PALM2AKAP2: variants seen among roughly 807,000 people sequenced by gnomAD.
PALM2AKAP2 encodes PALM2 and AKAP2 fusion.
In PALM2AKAP2, 37 loss-of-function variants were observed where a neutral mutation model predicts 71.5. That is an observed-to-expected ratio of 0.52 (90% CI 0.40 to 0.68). The LOEUF (loss-of-function observed/expected upper bound fraction) is 0.68. Among genes scored for constraint, PALM2AKAP2 ranks in the 30% least tolerant of loss-of-function variants. The pLI is 0.00. For synonymous variants in PALM2AKAP2, 468 were observed against 478.8 expected (o/e 0.98, Z 0.29); for missense variants, 1,224 against 1,191.8 (o/e 1.03, Z -0.40).
Position 109,974,453 on chromosome 9 carries a change from A to G in PALM2AKAP2, c.497-41501A>G, listed in dbSNP as rs565263166. Among the ~76,000 whole-genome samples, 3 of 148,472 alleles carry G rather than the reference A, an allele frequency of 2.0e-5. No individual in the cohort carries two copies. In the East Asian group the frequency reaches 5.8e-4, roughly 29 times the overall value. On this transcript the variant is annotated intron_variant, in intron 6 of 9. Transcript: ENST00000302798. ...CCTACACTCAGAGCCATGCATGCTG[A>G]AAAAAAAAACCCAAAGACCCAGAGA...
chr9:109,909,162 G>GCACACA (rs35019823), intron 3 of PALM2AKAP2, among the ~76,000 whole-genome samples: 6 of 142,928 alleles, frequency 4.2e-5, no homozygotes, highest in Admixed American at 7.0e-5. Flanking sequence ...ACGCGCGCAC[G>GCACACA]CACACACACA....
chr9:109,653,442 T>A (rs1049777532), intron 1 of PALM2AKAP2, among the ~76,000 whole-genome samples: 36 of 152,210 alleles, frequency 2.4e-4, no homozygotes, highest in Admixed American at 2.3e-3. Context: ...CAGAGAAACG[T>A]TAAATAAGTT....
At chr9:109,750,648 T>C (rs1337095257) in intron 1 of PALM2AKAP2, among the ~76,000 whole-genome samples, 1 of 151,612 alleles carries the variant, frequency 6.6e-6, no homozygotes, top group Non-Finnish European at 1.5e-5. Flanking sequence ...CTGTATGAAA[T>C]TTCTGGGCTA....
chr9:109,775,151 T>A (rs1829330126), intron 1 of PALM2AKAP2, among the ~76,000 whole-genome samples: 1 of 152,180 alleles, frequency 6.6e-6, no homozygotes, highest in African/African-American at 2.4e-5. Flanking sequence ...CTCTAATTGA[T>A]TCCCGTACAC....
At chr9:109,800,858 A>G (rs1442937909) in intron 1 of PALM2AKAP2, among the ~76,000 whole-genome samples, 1 of 152,228 alleles carries the variant, frequency 6.6e-6, no homozygotes, top group Non-Finnish European at 1.5e-5. Flanking sequence ...GCTTTAATAG[A>G]GGATCCTAAC....
At chr9:109,911,637 G>A (rs1272912077) in intron 3 of PALM2AKAP2, among the ~76,000 whole-genome samples, 3 of 152,118 alleles carry the variant, frequency 2.0e-5, no homozygotes, top group African/African-American at 4.8e-5. Context: ...GGGGAAAGTA[G>A]AAAAACCAAG....
At chr9:109,663,946 CTTCT>C (rs2118465355) in intron 1 of PALM2AKAP2, among the ~76,000 whole-genome samples, 1 of 152,208 alleles carries the variant, frequency 6.6e-6, no homozygotes, top group East Asian at 1.9e-4. Flanking sequence ...ATGTAATGGC[CTTCT>C]TTGTCTCTTT....
intron 6 of PALM2AKAP2, among the ~76,000 whole-genome samples, chr9:109,958,229 C>T (rs1831784829): frequency 6.6e-6 from 1 of 152,020 alleles, no homozygotes; most frequent in Non-Finnish European, 1.5e-5. Flanking sequence ...CTCCATCTAG[C>T]TTATATTACT....
intron 2 of PALM2AKAP2, among the ~76,000 whole-genome samples, chr9:110,140,404 C>T (rs913459358): frequency 6.6e-6 from 1 of 152,162 alleles, no homozygotes; most frequent in Non-Finnish European, 1.5e-5. Context: ...CTGAAGAGCA[C>T]TAGTTTCTGA....
At chr9:110,119,875 G>A (rs1031395272) in intron 1 of PALM2AKAP2, among the ~76,000 whole-genome samples, 9 of 152,096 alleles carry the variant, frequency 5.9e-5, no homozygotes, top group Non-Finnish European at 1.3e-4. Flanking sequence ...GCCACCATTG[G>A]TTGAATCATT....
At chr9:109,827,544 G>A (rs940717350) in intron 1 of PALM2AKAP2, among the ~76,000 whole-genome samples, 14 of 152,156 alleles carry the variant, frequency 9.2e-5, no homozygotes, top group African/African-American at 3.1e-4. Flanking sequence ...GGGAGGCAGA[G>A]GTTGCAGTGA....
chr9:109,949,389 G>A (rs531277199), intron 6 of PALM2AKAP2, among the ~76,000 whole-genome samples: 63 of 152,330 alleles, frequency 4.1e-4, no homozygotes, highest in African/African-American at 1.4e-3. Context: ...TGAGGAATGT[G>A]CCCATTCGTT....
intron 1 of PALM2AKAP2, among the ~76,000 whole-genome samples, chr9:110,091,585 C>T (rs935954055): frequency 6.6e-6 from 1 of 150,550 alleles, no homozygotes. Context: ...GCCTCAGCCT[C>T]CCGAGTAGCT....
chr9:110,041,625 TG>T (rs1316236342), intron 7 of PALM2AKAP2, among the ~76,000 whole-genome samples: 1 of 152,158 alleles, frequency 6.6e-6, no homozygotes, highest in Non-Finnish European at 1.5e-5. Context: ...GAAACTTACT[TG>T]GGCACAGGAA....
At chr9:109,885,589 T>G (rs1474344901) in intron 3 of PALM2AKAP2, among the ~76,000 whole-genome samples, 6 of 152,074 alleles carry the variant, frequency 3.9e-5, no homozygotes, top group Non-Finnish European at 5.9e-5. Flanking sequence ...GGGAAGTAAA[T>G]CATGTTTATA....
At chr9:109,996,313 T>G (rs1211379621) in intron 6 of PALM2AKAP2, among the ~76,000 whole-genome samples, 1 of 152,168 alleles carries the variant, frequency 6.6e-6, no homozygotes, top group African/African-American at 2.4e-5. Flanking sequence ...CCCCACTGAA[T>G]GGTAATATTT....
chr9:109,664,058 C>T (rs866617852), intron 1 of PALM2AKAP2, among the ~76,000 whole-genome samples: 1 of 152,074 alleles, frequency 6.6e-6, no homozygotes, highest in Non-Finnish European at 1.5e-5. Context: ...TTCCTCCATC[C>T]GTTTATTTTG....
chr9:110,048,919 G>A, intron 1 of PALM2AKAP2: 3 of 1,422,372 alleles, frequency 2.1e-6, no homozygotes, highest in Non-Finnish European at 2.7e-6. Context: ...AGGGGTGGCC[G>A]AGGAAGGGGT....
chr9:109,847,853 CT>C (rs1828906366), intron 1 of PALM2AKAP2, among the ~76,000 whole-genome samples: 2 of 152,142 alleles, frequency 1.3e-5, no homozygotes, highest in Non-Finnish European at 2.9e-5. Flanking sequence ...CTGTAGGTGA[CT>C]TTTGGTGCCA....
Sources: allele counts gnomAD v4.1 joint callset (sites outside exome capture counted in the v4.1 genomes callset), GRCh38; gene constraint gnomAD v4.1.1; transcripts MANE v1.5; gene names NCBI Gene and HGNC (gene_info 2026-07-23, HGNC 2026-07-21).